MAGI2: variants seen among roughly 807,000 people sequenced by gnomAD.
MAGI2 encodes the protein membrane-associated guanylate kinase, WW and PDZ domain-containing protein 2.
In MAGI2, 35 loss-of-function variants were observed where a neutral mutation model predicts 133.3. The observed-to-expected ratio is 0.26, with a 90% CI of 0.20 to 0.35. The LOEUF is 0.35. Among genes scored for constraint, MAGI2 ranks in the 10% least tolerant of loss-of-function variants. The probability of loss-of-function intolerance (pLI) is 1.00; values close to 1 mark genes in which losing one functional copy is unlikely to be tolerated. For missense variants in MAGI2, 1,636 were observed against 1,863.4 expected (o/e 0.88, Z 2.25); for synonymous variants, 729 against 710.6 (o/e 1.03, Z -0.41).
At chr7:79,205,308 G>T (rs1359726974) in intron 1 of MAGI2, among the ~76,000 whole-genome samples, 2 of 151,988 alleles carry the variant, frequency 1.3e-5, no homozygotes, top group Non-Finnish European at 2.9e-5. Flanking sequence ...TCACAGACCA[G>T]GAGAAAGTGA....
At chr7:78,159,976 A>G in intron 16 of MAGI2, 49 bp downstream of exon 16, 1 of 1,517,574 alleles carries the variant, frequency 6.6e-7, no homozygotes, top group East Asian at 2.3e-5. Flanking sequence ...CACTGGAACA[A>G]ATCAAAACAA....
chr7:78,484,524 A>C (rs1327437678), intron 6 of MAGI2: 1 of 152,002 alleles, frequency 6.6e-6, no homozygotes, highest in Non-Finnish European at 1.5e-5. Flanking sequence ...GAAAATTTAG[A>C]GACAACTTAA....
intron 1 of MAGI2, among the ~76,000 whole-genome samples, chr7:79,244,767 C>A (rs1404238695): frequency 6.6e-6 from 1 of 152,148 alleles, no homozygotes; most frequent in Non-Finnish European, 1.5e-5. Context: ...TAGGAAAACA[C>A]CAGCTGGGGT....
intron 2 of MAGI2, among the ~76,000 whole-genome samples, chr7:78,905,926 G>A (rs1797963925): frequency 6.6e-6 from 1 of 152,098 alleles, no homozygotes; most frequent in Non-Finnish European, 1.5e-5. Flanking sequence ...AGAAAAGTTT[G>A]TCTTACCCAC....
At chr7:78,735,119 G>A (rs2151235954) in intron 2 of MAGI2, among the ~76,000 whole-genome samples, 1 of 152,212 alleles carries the variant, frequency 6.6e-6, no homozygotes, top group African/African-American at 2.4e-5. Flanking sequence ...GAAAATTATT[G>A]ACAAATTCTT....
intron 11 of MAGI2, among the ~76,000 whole-genome samples, chr7:78,195,419 A>G (rs1215395702): frequency 2.0e-5 from 3 of 152,210 alleles, no homozygotes; most frequent in Non-Finnish European, 4.4e-5. Context: ...TTAGAAATGT[A>G]TGGTATTAGT....
intron 1 of MAGI2, among the ~76,000 whole-genome samples, chr7:79,141,931 G>A (rs1822173405): frequency 6.6e-6 from 1 of 151,920 alleles, no homozygotes; most frequent in South Asian, 2.1e-4. Context: ...CTTTTATGTA[G>A]ACTAATATTA....
At position 78,893,936 on chromosome 7, in the gene MAGI2, T is replaced by C. The variant is rs541804302; in HGVS notation, c.418+113154A>G. 4.6e-5 allele frequency among the ~76,000 whole-genome samples: 7 copies of C among 152,294 alleles called. No individual in the cohort carries two copies. The East Asian group carries it at 1.4e-3, about 29-fold the overall frequency. On this transcript the variant is annotated intron_variant, in intron 2 of 21. Coordinates refer to ENST00000354212, the MANE Select transcript of MAGI2 (RefSeq NM_012301.4). ...TTAGGTAATAGTCTCTGATTTTTAC[T>C]CACTATAATATAGATAATGAAAGCT...
At chr7:78,138,296 C>G (rs1208363515) in intron 16 of MAGI2, among the ~76,000 whole-genome samples, 1 of 152,142 alleles carries the variant, frequency 6.6e-6, no homozygotes, top group Non-Finnish European at 1.5e-5. Context: ...GGAACTTTGT[C>G]TGAAGCAGGT....
chr7:78,860,765 T>G (rs1304205282), intron 2 of MAGI2, among the ~76,000 whole-genome samples: 1 of 152,152 alleles, frequency 6.6e-6, no homozygotes, highest in Non-Finnish European at 1.5e-5. Context: ...ACTACTCTCT[T>G]CAAAGCTGTC....
At chr7:78,941,442 C>G (rs1800961827) in intron 2 of MAGI2, among the ~76,000 whole-genome samples, 1 of 152,130 alleles carries the variant, frequency 6.6e-6, no homozygotes, top group Admixed American at 6.5e-5. Flanking sequence ...CTCCCCCTCT[C>G]AGGTTCAAGT....
At chr7:78,760,782 T>C (rs2151298738) in intron 2 of MAGI2, among the ~76,000 whole-genome samples, 1 of 152,310 alleles carries the variant, frequency 6.6e-6, no homozygotes, top group East Asian at 1.9e-4. Flanking sequence ...TAGCTTGTCC[T>C]CTTGAACTCA....
chr7:78,091,465 G>C (rs1487019387), intron 20 of MAGI2, among the ~76,000 whole-genome samples: 1 of 152,120 alleles, frequency 6.6e-6, no homozygotes, highest in Non-Finnish European at 1.5e-5. Flanking sequence ...CTCAGTCTCA[G>C]GTATTCTGTT....
At chr7:79,400,556 T>C (rs17152429) in intron 1 of MAGI2, among the ~76,000 whole-genome samples, 7,677 of 152,250 alleles carry the variant, frequency 0.05, 379 homozygotes, top group East Asian at 0.18. Context: ...ACTGCAGAAT[T>C]CCCTAAATGC....
At chr7:79,349,230 G>C (rs1841529122) in intron 1 of MAGI2, among the ~76,000 whole-genome samples, 1 of 151,872 alleles carries the variant, frequency 6.6e-6, no homozygotes, top group African/African-American at 2.4e-5. Context: ...TGTAGAAAAG[G>C]CTTAGGGATT....
At chr7:78,247,355 T>TAC (rs1369236039) in intron 10 of MAGI2, among the ~76,000 whole-genome samples, 1 of 152,164 alleles carries the variant, frequency 6.6e-6, no homozygotes, top group Admixed American at 6.5e-5. Flanking sequence ...AACCAGCCAC[T>TAC]ACATCTTTTT....
intron 6 of MAGI2, among the ~76,000 whole-genome samples, chr7:78,468,324 C>T (rs1033632150): frequency 6.6e-6 from 1 of 152,078 alleles, no homozygotes; most frequent in African/African-American, 2.4e-5. Context: ...TGGCTACTAA[C>T]TAGTCCAGGC....
chr7:78,490,755 C>T (rs957918817), intron 5 of MAGI2, among the ~76,000 whole-genome samples: 3 of 152,098 alleles, frequency 2.0e-5, no homozygotes, highest in Non-Finnish European at 2.9e-5. Flanking sequence ...TCATGGCTCA[C>T]ATAACTGCTC....
chr7:79,331,520 C>T (rs1236480157), intron 1 of MAGI2, among the ~76,000 whole-genome samples: 1 of 152,110 alleles, frequency 6.6e-6, no homozygotes, highest in East Asian at 1.9e-4. Context: ...CACACATTGA[C>T]TATTACATAT....
Sources: allele counts gnomAD v4.1 joint callset (sites outside exome capture counted in the v4.1 genomes callset), GRCh38; gene constraint gnomAD v4.1.1; transcripts MANE v1.5; gene names NCBI Gene and HGNC (gene_info 2026-07-23, HGNC 2026-07-21).